The following TOP3A variants were observed in gnomAD, a reference collection of about 807,000 sequenced individuals.
TOP3A encodes the protein DNA topoisomerase 3-alpha.
In TOP3A, 64 loss-of-function variants were observed where a neutral mutation model predicts 111.3. That is an observed-to-expected ratio of 0.57 (90% CI 0.47 to 0.71). The LOEUF is 0.71. TOP3A is among the 30% of genes least tolerant of loss of function. The pLI is 0.00. For missense variants in TOP3A, 1,104 were observed against 1,285.0 expected, an observed-to-expected ratio of 0.86 and a Z score of 2.15; for synonymous variants, 484 against 485.1, an observed-to-expected ratio of 1.00 and a Z score of 0.03.
At position 18,278,239 on chromosome 17, in the gene TOP3A, C is replaced by G. The variant is rs767721350; in HGVS notation, c.2263G>C (p.Gly755Arg). Residue 755 changes from glycine (G) to arginine (R), a missense_variant, in exon 18 of 19, where the codon GGC becomes CGC. Coordinates refer to ENST00000321105, the MANE Select transcript of TOP3A (RefSeq NM_004618.5). ...GAGGGCTGGCTAGCCCTGGGGGGGCCCCCTGAAAATCTCAGGTCCAGGATC... is the reference window on the plus strand; with the variant it reads ...GAGGGCTGGCTAGCCCTGGGGGGGCGCCCTGAAAATCTCAGGTCCAGGATC... ...REILDLRFSG[G>R]PPRASQPSGR... 1 of 1,574,380 alleles carries G rather than the reference C, an allele frequency of 6.4e-7. No individual in the cohort carries two copies. Among genetic ancestry groups the G allele is most frequent in the Non-Finnish European group, 8.6e-7 (1 of 1,158,886 alleles).
At chr17:18,298,421 G>T (rs1262192857) in intron 9 of TOP3A, among the ~76,000 whole-genome samples, 1 of 145,948 alleles carries the variant, frequency 6.9e-6, no homozygotes, top group Non-Finnish European at 1.5e-5. Context: ...CCCCGTCCGG[G>T]AGGGAGGTGG....
rs774640998 is a variant in TOP3A, at chr17:18,277,827, C to T, written c.2675G>A (p.Gly892Asp). 4 of 1,614,144 alleles carry T rather than the reference C, an allele frequency of 2.5e-6. No homozygotes were observed. In the Admixed American group the frequency reaches 6.7e-5, roughly 27 times the overall value. The change falls in exon 18 of 19, where the codon GGT (glycine) becomes GAT (aspartate). Residue 892 changes from glycine to aspartate, a missense_variant. Transcript: ENST00000321105. ...GGFGNPGDGS[G>D]SGTSCLCSQP... ...GCTGCAAAGGCAGGATGTGCCACTA[C>T]CACTGCCATCACCAGGGTTGCCAAA...
intron 4 of TOP3A, among the ~76,000 whole-genome samples, chr17:18,305,486 A>ACACACG (rs1164323613): frequency 6.0e-5 from 9 of 149,412 alleles, no homozygotes; most frequent in African/African-American, 2.0e-4. Context: ...ACACACACAC[A>ACACACG]CGCGCGCGCG....
At chr17:18,291,970 C>T (rs902644522) in intron 11 of TOP3A, among the ~76,000 whole-genome samples, 1 of 152,114 alleles carries the variant, frequency 6.6e-6, no homozygotes, top group African/African-American at 2.4e-5. Flanking sequence ...CCTTGTCCTC[C>T]CACAGTGTTG....
rs1326984213 is a variant in TOP3A at position 18,302,201 on chromosome 17, C to T, written c.814+63G>A. 16 of 1,530,248 alleles carry T rather than the reference C, an allele frequency of 1.0e-5. No individual in the cohort carries two copies. In the East Asian group the frequency reaches 3.4e-4, roughly 32 times the overall value. The allele number at this position is 1,530,248 out of a possible 1,614,324, so 94.8% of individuals were successfully genotyped here. On this transcript the variant is annotated intron_variant, in intron 7 of 18. Transcript: ENST00000321105. Reference sequence around the variant, plus strand: ...TCTTTATTAGTGCTATTAATGCTCACAGTCCCCCTCCTTAACCTTGAGCCC... The same window carrying T: ...TCTTTATTAGTGCTATTAATGCTCATAGTCCCCCTCCTTAACCTTGAGCCC...
intron 15 of TOP3A, 66 bp from the exon 16 acceptor site, chr17:18,282,907 T>C: frequency 6.3e-7 from 1 of 1,592,906 alleles, no homozygotes; most frequent in South Asian, 1.1e-5. Context: ...TACAACACTC[T>C]TACATGCACA....
Position 18,294,722 on chromosome 17 carries a change from C to A in TOP3A, c.1054G>T (p.Glu352Ter), listed in dbSNP as rs1980687326. 1.2e-6 allele frequency: 2 copies of A among 1,613,000 alleles called. No individual in the cohort carries two copies. Among genetic ancestry groups the A allele is most frequent in the Non-Finnish European group, 1.7e-6 (2 of 1,179,390 alleles). The change falls in exon 10 of 19, where the codon GAG becomes TAG. Residue 352 changes from glutamate (E) to a stop codon, truncating the protein, a stop_gained. Coordinates refer to ENST00000321105, the MANE Select transcript of TOP3A (RefSeq NM_004618.5). LOFTEE classifies it high-confidence loss of function. ...ACTTACCCTTGAGTGTAGAGCTTCT[C>A]AGCAATCCTCATGGTTTCTTTAGCA... ...INAKETMRIA[E>*]KLYTQGYISY... is the part of the protein sequence containing the mutation.
At position 18,278,321 on chromosome 17, in the gene TOP3A, C is replaced by T. The variant is rs779957621; in HGVS notation, c.2181G>A (p.Pro727=). 6 of 1,515,998 alleles carry T rather than the reference C, an allele frequency of 4.0e-6. No homozygotes were observed. Among genetic ancestry groups the T allele is most frequent in the South Asian group, 2.7e-5 (2 of 75,314 alleles). The allele number at this position is 1,515,998 out of a possible 1,614,324, so 93.9% of individuals were successfully genotyped here. A position where few individuals can be genotyped will look rare whatever the true frequency, so the allele number is the denominator to read the frequency against. ...KLKFKRGSLP[P]TMPLEFVCCI... Reference sequence around the variant, plus strand: ...AGCAAACAAACTCCAGAGGCATGGTCGGGGGAAGGCTACCGCGCTTAAACT... The same window carrying T: ...AGCAAACAAACTCCAGAGGCATGGTTGGGGGAAGGCTACCGCGCTTAAACT... Residue 727 remains proline (P), a synonymous_variant, in exon 18 of 19, where the codon CCG becomes CCA. Transcript: ENST00000321105.
rs1980332048 is a variant in TOP3A at position 18,289,467 on chromosome 17, G to A, written c.1597+1090C>T. 2.0e-5 allele frequency among the ~76,000 whole-genome samples: 3 copies of A among 152,348 alleles called. No homozygotes were observed. The South Asian group carries it at 6.2e-4, about 32-fold the overall frequency. On this transcript the variant is annotated intron_variant, in intron 13 of 18. Transcript: ENST00000321105. ...TTTTTGTATTTTTAGTAGAGACAGA[G>A]TTTCACCATGTTGGTCAGGTTGGTG...
chr17:18,292,050 A>G (rs771249882), intron 11 of TOP3A, among the ~76,000 whole-genome samples: 5 of 152,298 alleles, frequency 3.3e-5, no homozygotes, highest in Admixed American at 6.5e-5. Context: ...TTATTAAAAG[A>G]AGGAGGAGAA....
Position 18,307,196 on chromosome 17 carries a change from C to G in TOP3A, c.315-230G>C, listed in dbSNP as rs889679558. On this transcript the variant is annotated intron_variant, in intron 3 of 18. Coordinates refer to ENST00000321105, the MANE Select transcript of TOP3A (RefSeq NM_004618.5). ...GAGCCCTTTCACAGGTAAATGCAAT[C>G]CAATGGCTGCATGAAAAAGGTCTGG... is the stretch of plus-strand genomic sequence containing the variant. The G allele has an allele frequency of 7.6e-6, 3 of 397,164 alleles. No individual in the cohort carries two copies. The East Asian group carries it at 1.1e-4, about 15-fold the overall frequency. 24.6% of individuals were successfully genotyped at this position (397,164 alleles called of 1,614,324 possible).
At chr17:18,302,012 G>A in intron 7 of TOP3A, 27 bp from the exon 8 acceptor site, 1 of 1,594,836 alleles carries the variant, frequency 6.3e-7, no homozygotes, top group Non-Finnish European at 8.6e-7. Flanking sequence ...CAAACAGAAA[G>A]GCTGTGTCTC....
chr17:18,289,111 C>T (rs1380338675), intron 13 of TOP3A, among the ~76,000 whole-genome samples: 2 of 152,184 alleles, frequency 1.3e-5, no homozygotes, highest in African/African-American at 4.8e-5. Context: ...CTCCCGGGTT[C>T]ATGCAATTCT....
chr17:18,276,660 G>C (rs1041822006), intron 18 of TOP3A, among the ~76,000 whole-genome samples: 2 of 152,212 alleles, frequency 1.3e-5, no homozygotes, highest in African/African-American at 4.8e-5. Flanking sequence ...TTTGGAACCA[G>C]ATTTGCTCAA....
In TOP3A at chr17:18,285,177, C is replaced by T; in HGVS notation, c.1842G>A (p.Lys614=). 6.2e-7 allele frequency: 1 copy of T among 1,614,192 alleles called. No individual in the cohort carries two copies. The highest frequency in any genetic ancestry group is 8.5e-7 in the Non-Finnish European group (1 of 1,180,034). ...VVLRQQVQKY[K]QVFIEAVAKA... ...TAGCCACCGCTTCAATGAAAACCTG[C>T]TTGTATTTCTGCACTTGCTGCCTTA... The change falls in exon 15 of 19, where the codon AAG becomes AAA. Residue 614 remains lysine, a synonymous_variant. Transcript: ENST00000321105.
chr17:18,274,643 G>T lies in TOP3A; in HGVS notation c.*159C>A. The T allele has an allele frequency of 7.9e-7, 1 of 1,264,380 alleles. No individual in the cohort carries two copies. Among genetic ancestry groups the T allele is most frequent in the Non-Finnish European group, 1.1e-6 (1 of 939,716 alleles). The allele number at this position is 1,264,380 out of a possible 1,614,324, so 78.3% of individuals were successfully genotyped here. On this transcript the variant is annotated 3_prime_UTR_variant, in exon 19 of 19. Coordinates refer to ENST00000321105, the MANE Select transcript of TOP3A (RefSeq NM_004618.5). ...GAGCTGGCCTGCTCCAGAGTGATCT[G>T]GACCTTGTGCCCCTTAACACAAGAA... is the stretch of plus-strand genomic sequence containing the variant.
intron 8 of TOP3A, among the ~76,000 whole-genome samples, chr17:18,300,452 A>C (rs980179323): frequency 1.3e-5 from 2 of 152,006 alleles, no homozygotes; most frequent in African/African-American, 4.8e-5. Context: ...TTAATCTTAA[A>C]ACCAGCTTCA....
At chr17:18,309,090 G>A (rs1255777647) in intron 1 of TOP3A, 149 bp from the exon 2 acceptor site, 8 of 471,974 alleles carry the variant, frequency 1.7e-5, no homozygotes, top group Non-Finnish European at 2.6e-5. Flanking sequence ...GATAAGAAAT[G>A]GCCAACAAGC....
At chr17:18,278,415 G>C (rs1979546873) in intron 17 of TOP3A, 58 bp from the exon 18 acceptor site, 1 of 1,449,638 alleles carries the variant, frequency 6.9e-7, no homozygotes, top group Non-Finnish European at 9.2e-7. Flanking sequence ...CTTCTCCTTA[G>C]TCCAGTGAGG....
Sources: allele counts gnomAD v4.1 joint callset (sites outside exome capture counted in the v4.1 genomes callset), GRCh38; gene constraint gnomAD v4.1.1; transcripts MANE v1.5; gene names NCBI Gene and HGNC (gene_info 2026-07-23, HGNC 2026-07-21).